Variants in TLR2 observed in about 807,000 individuals in gnomAD.
The protein encoded by TLR2 is toll like receptor 2, also known as toll-like receptor 2.
TLR2 carries 7 observed loss-of-function variants against 9.1 expected under a neutral mutation model. The observed-to-expected ratio is 0.77, with a 90% confidence interval of 0.44 to 1.44. The LOEUF (loss-of-function observed/expected upper bound fraction) is 1.44. Among genes scored for constraint, TLR2 ranks in the 40% most tolerant of loss-of-function variants. The pLI is 0.01. For missense variants in TLR2, 812 were observed against 904.6 expected (o/e 0.90, Z 1.31); for synonymous variants, 317 against 344.6 (o/e 0.92, Z 0.89).
At chr4:153,699,005 C>G (rs1377091371) in intron 2 of TLR2, among the ~76,000 whole-genome samples, 1 of 152,060 alleles carries the variant, frequency 6.6e-6, no homozygotes, top group Non-Finnish European at 1.5e-5. Flanking sequence ...ATTCCAGAAA[C>G]TGAATAATAA....
Position 153,703,288 on chromosome 4 carries a change from AT to A in TLR2, c.383del (p.Phe128SerfsTer2). Reference sequence around the variant, plus strand: ...GGTTCAAGCCCCTTTCTTCTTTAACATTCTTAAACTTACTGGGAAATCCTTA... The same window carrying A: ...GGTTCAAGCCCCTTTCTTCTTTAACATCTTAAACTTACTGGGAAATCCTTA... The part of the protein sequence containing the change: ...SWFKPLSSLT[F>X]LNLLGNPYKT... On this transcript the variant is annotated frameshift_variant, in exon 3 of 3. Coordinates refer to ENST00000642700, the MANE Select transcript of TLR2 (RefSeq NM_001318789.2). LOFTEE classifies it low-confidence loss of function (END_TRUNC). The A allele has an allele frequency of 6.2e-7, 1 of 1,611,664 alleles. No homozygotes were observed. The highest frequency in any genetic ancestry group is 8.5e-7 in the Non-Finnish European group (1 of 1,179,434).
rs747696975 is a variant in TLR2 at position 153,704,867 on chromosome 4, TG to T, written c.1963del (p.Val655TrpfsTer54). The T allele has an allele frequency of 8.1e-6, 13 of 1,613,864 alleles. No individual in the cohort carries two copies. In the East Asian group the frequency reaches 2.9e-4, roughly 36 times the overall value. ...TTCTTACAGTGAGCGGGATGCCTAC[TG>T]GGTGGAGAACCTTATGGTCCAGGAG... ...FVSYSERDAY[W>X]VENLMVQELE... On this transcript the variant is annotated frameshift_variant, in exon 3 of 3. Transcript: ENST00000642700. LOFTEE classifies it high-confidence loss of function.
At chr4:153,686,190 C>G (rs2127006617) in intron 1 of TLR2, among the ~76,000 whole-genome samples, 1 of 152,298 alleles carries the variant, frequency 6.6e-6, no homozygotes, top group South Asian at 2.1e-4. Context: ...GATCATGCCA[C>G]TGCACTCCAG....
chr4:153,704,919 A>G lies in TLR2; in HGVS notation c.2012A>G (p.Lys671Arg), dbSNP rs748192637. 6.2e-7 allele frequency: 1 copy of G among 1,612,882 alleles called. No homozygotes were observed. The highest frequency in any genetic ancestry group is 8.5e-7 in the Non-Finnish European group (1 of 1,179,974). ...QELENFNPPFKLCLHKRDFIP... is the reference protein window; with the variant it reads ...QELENFNPPFRLCLHKRDFIP... ...CTGGAGAACTTCAATCCCCCCTTCA[A>G]GTTGTGTCTTCATAAGCGGGACTTC... The change falls in exon 3 of 3, where the codon AAG becomes AGG. Residue 671 changes from lysine to arginine, a missense_variant. Physicochemically the swap from Lys to Arg is conservative, Grantham distance 26 (BLOSUM62 2). Transcript: ENST00000642700.
chr4:153,704,829 A>G lies in TLR2; in HGVS notation c.1922A>G (p.Tyr641Cys), dbSNP rs1342695226. The change falls in exon 3 of 3, where the codon TAT becomes TGT. Residue 641 changes from tyrosine to cysteine, a missense_variant. Tyr to Cys is a radical substitution (Grantham distance 194). Transcript: ENST00000642700. The stretch of plus-strand genomic sequence containing the variant: ...AAAGCTCCCAGCAGGAACATCTGCT[A>G]TGATGCATTTGTTTCTTACAGTGAG... The part of the protein sequence containing the change: ...PRKAPSRNIC[Y>C]DAFVSYSERD... 3 of 1,613,974 alleles carry G rather than the reference A, an allele frequency of 1.9e-6. No individual in the cohort carries two copies. Among genetic ancestry groups the G allele is most frequent in the Middle Eastern group, 3.3e-4 (2 of 6,074 alleles).
chr4:153,708,997 T>A (rs1314584397), downstream of TLR2, among the ~76,000 whole-genome samples: 1 of 152,104 alleles, frequency 6.6e-6, no homozygotes, highest in Non-Finnish European at 1.5e-5. Flanking sequence ...GGCACCCCAC[T>A]TGGGCTCTCC....
chr4:153,709,539 A>T (rs1003820065), downstream of TLR2, among the ~76,000 whole-genome samples: 16 of 152,200 alleles, frequency 1.1e-4, no homozygotes, highest in African/African-American at 3.6e-4. Flanking sequence ...AGTGCCTCTT[A>T]TGTGCTAGGC....
intron 2 of TLR2, among the ~76,000 whole-genome samples, chr4:153,695,896 A>G (rs926805794): frequency 6.6e-6 from 1 of 152,178 alleles, no homozygotes; most frequent in Non-Finnish European, 1.5e-5. Context: ...GCATATGGAT[A>G]TCTACTTTTC....
At chr4:153,710,571 C>T (rs1262319564), downstream of TLR2, 2 of 1,320,134 alleles carry the variant, frequency 1.5e-6, no homozygotes, top group Non-Finnish European at 2.1e-6. Context: ...ATATAATAAA[C>T]AATGTAATGA....
At position 153,703,721 on chromosome 4, in the gene TLR2, C is replaced by A. The variant is rs770048581; in HGVS notation, c.814C>A (p.Leu272Ile). 13 of 1,613,662 alleles carry A rather than the reference C, an allele frequency of 8.1e-6. No homozygotes were observed. The highest frequency in any genetic ancestry group is 1.1e-5 in the Non-Finnish European group (13 of 1,179,940). ...TGAAAGTTTGTTTCAGGTTATGAAA[C>A]TTTTGAATCAGATTTCTGGATTGTT... is the stretch of plus-strand genomic sequence containing the variant. ...TDESLFQVMK[L>I]LNQISGLLEL... The change falls in exon 3 of 3, where the codon CTT (leucine) becomes ATT (isoleucine). Residue 272 changes from leucine to isoleucine, a missense_variant. Coordinates refer to ENST00000642700, the MANE Select transcript of TLR2 (RefSeq NM_001318789.2).
intron 2 of TLR2, among the ~76,000 whole-genome samples, chr4:153,699,115 T>C (rs1736706938): frequency 6.6e-6 from 1 of 152,170 alleles, no homozygotes; most frequent in Non-Finnish European, 1.5e-5. Context: ...TAGTGGAGCC[T>C]TAGATAAATA....
At chr4:153,695,668 A>G (rs1736441106) in intron 2 of TLR2, among the ~76,000 whole-genome samples, 1 of 152,148 alleles carries the variant, frequency 6.6e-6, no homozygotes, top group African/African-American at 2.4e-5. Flanking sequence ...CTATGCAGAA[A>G]CTTTTTAACT....
At chr4:153,709,347 A>T (rs1737430644), downstream of TLR2, among the ~76,000 whole-genome samples, 1 of 152,220 alleles carries the variant, frequency 6.6e-6, no homozygotes, top group Non-Finnish European at 1.5e-5. Context: ...TGCAGAGTAG[A>T]TGTCTGGTGT....
intron 1 of TLR2, among the ~76,000 whole-genome samples, chr4:153,685,487 G>A (rs965154797): frequency 4.3e-4 from 66 of 152,148 alleles, no homozygotes; most frequent in African/African-American, 1.5e-3. Context: ...ATGGTGGCCT[G>A]ACTTGAAGGG....
intron 1 of TLR2, among the ~76,000 whole-genome samples, chr4:153,686,951 C>T (rs1735750408): frequency 6.6e-6 from 1 of 151,972 alleles, no homozygotes; most frequent in African/African-American, 2.4e-5. Flanking sequence ...GAGTAAATTG[C>T]AATACATTTT....
At position 153,704,363 on chromosome 4, in the gene TLR2, A is replaced by G; in HGVS notation, c.1456A>G (p.Arg486Gly). ...GCAACTCAAAGAACTTTATATTTCCAGAAATAAGTTGATGACTCTACCAGA... is the reference window on the plus strand; with the variant it reads ...GCAACTCAAAGAACTTTATATTTCCGGAAATAAGTTGATGACTCTACCAGA... The part of the protein sequence containing the change: ...LPQLKELYIS[R>G]NKLMTLPDAS... Residue 486 changes from arginine to glycine, a missense_variant, in exon 3 of 3, where the codon AGA becomes GGA. Transcript: ENST00000642700. The G allele has an allele frequency of 1.9e-6, 3 of 1,613,942 alleles. No individual in the cohort carries two copies. The highest frequency in any genetic ancestry group is 2.2e-5 in the South Asian group (2 of 91,022).
At position 153,703,081 on chromosome 4, in the gene TLR2, C is replaced by T. The variant is rs765529706; in HGVS notation, c.174C>T (p.Asp58=). ...SGLTEAVKSL[D]LSNNRITYIS... is the part of the protein sequence containing the mutation. The stretch of plus-strand genomic sequence containing the variant: ...TCACAGAAGCTGTAAAAAGCCTTGA[C>T]CTGTCCAACAACAGGATCACCTACA... The change falls in exon 3 of 3, where the codon GAC becomes GAT. Residue 58 remains aspartate, a synonymous_variant. Transcript: ENST00000642700. 8 of 1,613,966 alleles carry T rather than the reference C, an allele frequency of 5.0e-6. No homozygotes were observed. The highest frequency in any genetic ancestry group is 1.3e-5 in the African/African-American group (1 of 74,870).
chr4:153,706,149 T>G lies in TLR2; in HGVS notation c.*887T>G, dbSNP rs1313430757. Among the ~76,000 whole-genome samples the G allele has an allele frequency of 6.6e-6, 1 of 152,258 alleles. No individual in the cohort carries two copies. Among genetic ancestry groups the G allele is most frequent in the Non-Finnish European group, 1.5e-5 (1 of 68,050 alleles). ...CTGTCTTTCTGGCTATTAGATAGGT[T>G]TCTCCAGCCATAGTTACTTGAGAGA... On this transcript the variant is annotated 3_prime_UTR_variant, in exon 3 of 3. Coordinates refer to ENST00000642700, the MANE Select transcript of TLR2 (RefSeq NM_001318789.2).
chr4:153,687,971 C>A lies in TLR2; in HGVS notation c.-93C>A, dbSNP rs1176636941. 2.0e-5 allele frequency: 3 copies of A among 152,226 alleles called. No homozygotes were observed. Among genetic ancestry groups the A allele is most frequent in the Non-Finnish European group, 4.4e-5 (3 of 68,046 alleles). The allele number at this position is 152,226 out of a possible 1,614,324, so 9.4% of individuals were successfully genotyped here. ...AGACCTATAGTGACTCCCAGGAGCT[C>A]TTAGTGACCAAGTGAAGGTACCTGT... On this transcript the variant is annotated 5_prime_UTR_variant, in exon 2 of 3. Transcript: ENST00000642700.
Sources: allele counts gnomAD v4.1 joint callset (sites outside exome capture counted in the v4.1 genomes callset), GRCh38; gene constraint gnomAD v4.1.1; transcripts MANE v1.5; gene names NCBI Gene and HGNC (gene_info 2026-07-23, HGNC 2026-07-21).